The following RGS17 variants were observed in gnomAD, a reference collection of about 807,000 sequenced individuals.
RGS17 encodes regulator of G-protein signaling 17.
RGS17 carries 12 observed loss-of-function variants against 25.5 expected under a neutral mutation model. That is an observed-to-expected ratio of 0.47 (90% CI 0.30 to 0.76). The LOEUF is 0.76. Among genes scored for constraint, RGS17 ranks in the 30% least tolerant of loss-of-function variants. RGS17 has a pLI of 0.07. For missense variants in RGS17, 196 were observed against 242.2 expected (o/e 0.81, Z 1.27); for synonymous variants, 71 against 76.9 (o/e 0.92, Z 0.40).
intron 1 of RGS17, among the ~76,000 whole-genome samples, chr6:153,117,565 G>A (rs975721151): frequency 9.2e-5 from 14 of 152,154 alleles, no homozygotes; most frequent in Non-Finnish European, 1.6e-4. Context: ...ATTCATATTA[G>A]TACCATTAAT....
chr6:153,130,483 TACACACACACAC>T lies in RGS17; in HGVS notation c.-26+629_-26+640del, dbSNP rs58779961. On this transcript the variant is annotated intron_variant, in intron 1 of 4. Transcript: ENST00000206262. The surrounding 1 kb of genome is among the most constrained non-coding windows in gnomAD (Gnocchi z 6.4). ...CCCACCCCCTATACATACATACACA[TACACACACACAC>T]ACACACACACACACCCCTCCGGTAT... 6.8e-6 allele frequency among the ~76,000 whole-genome samples: 1 copy of T among 146,108 alleles called. No homozygotes were observed. The highest frequency in any genetic ancestry group is 2.5e-5 in the African/African-American group (1 of 39,742).
chr6:153,034,140 A>G (rs1776202152), intron 2 of RGS17, among the ~76,000 whole-genome samples: 1 of 152,172 alleles, frequency 6.6e-6, no homozygotes, highest in Non-Finnish European at 1.5e-5. Flanking sequence ...CTACCCATTC[A>G]TCCTTTCCCT....
chr6:153,119,434 T>C (rs1777590739), intron 1 of RGS17, among the ~76,000 whole-genome samples: 1 of 152,194 alleles, frequency 6.6e-6, no homozygotes, highest in Non-Finnish European at 1.5e-5. Flanking sequence ...CTCATGCCTG[T>C]AATCCCAGCA....
chr6:153,126,992 G>A (rs2129127821), intron 1 of RGS17, among the ~76,000 whole-genome samples: 1 of 152,318 alleles, frequency 6.6e-6, no homozygotes, highest in South Asian at 2.1e-4. Flanking sequence ...TTTCATGGAA[G>A]ACAATTTTTC....
intron 1 of RGS17, among the ~76,000 whole-genome samples, chr6:153,048,303 A>C (rs1010137385): frequency 6.6e-5 from 10 of 152,120 alleles, no homozygotes; most frequent in African/African-American, 2.4e-4. Flanking sequence ...CCTCTATTTC[A>C]TCTGGATGTC....
chr6:153,019,277 C>A (rs637384), intron 4 of RGS17, among the ~76,000 whole-genome samples: 103,341 of 152,118 alleles, frequency 0.68, 35,193 homozygotes, highest in South Asian at 0.73. Flanking sequence ...AGATTTCTAC[C>A]TAACTGGACC....
At chr6:153,121,045 T>C (rs796971869) in intron 1 of RGS17, among the ~76,000 whole-genome samples, 11 of 152,074 alleles carry the variant, frequency 7.2e-5, no homozygotes, top group African/African-American at 2.7e-4. Flanking sequence ...TTCTTTAGGC[T>C]CCCTCAGACT....
In RGS17 at chr6:153,130,606, G is replaced by A. The variant is rs1480538620; in HGVS notation, c.-26+518C>T. Among the ~76,000 whole-genome samples, 1 of 152,182 alleles carries A rather than the reference G, an allele frequency of 6.6e-6. No individual in the cohort carries two copies. Among genetic ancestry groups the A allele is most frequent in the African/African-American group, 2.4e-5 (1 of 41,448 alleles). ...AGCAGTGCATTTTCCCAAAGGTAAA[G>A]AGAGATAAGGGAGGAAACACAGCAC... On this transcript the variant is annotated intron_variant, in intron 1 of 4. Transcript: ENST00000206262. This position sits in a 1 kb window ranked among gnomAD's most constrained non-coding sequence, Gnocchi z 6.4.
chr6:153,112,772 C>T (rs1777492334), intron 1 of RGS17, among the ~76,000 whole-genome samples: 1 of 152,196 alleles, frequency 6.6e-6, no homozygotes, highest in Non-Finnish European at 1.5e-5. Flanking sequence ...CAATATTCAA[C>T]ATTCTTAAAG....
chr6:153,006,658 A>T lies in RGS17; in HGVS notation c.*4916T>A, dbSNP rs1351176190. The T allele has an allele frequency of 6.6e-6, 1 of 152,314 alleles. No individual in the cohort carries two copies. The highest frequency in any genetic ancestry group is 1.5e-5 in the Non-Finnish European group (1 of 68,036). The allele number at this position is 152,314 out of a possible 1,614,324, so 9.4% of individuals were successfully genotyped here. ...GGGAAAGTGCATTAAAGTGACATTT[A>T]ATACAAGTATACAATAACAATTATT... On this transcript the variant is annotated 3_prime_UTR_variant, in exon 5 of 5. Coordinates refer to ENST00000206262, the MANE Select transcript of RGS17 (RefSeq NM_012419.5).
chr6:153,090,099 G>A (rs1442696992), intron 1 of RGS17, among the ~76,000 whole-genome samples: 2 of 152,022 alleles, frequency 1.3e-5, no homozygotes, highest in South Asian at 2.1e-4. Flanking sequence ...ACTGCTATCT[G>A]CTGTATGATG....
chr6:153,050,518 G>A (rs1483089885), intron 1 of RGS17, among the ~76,000 whole-genome samples: 1 of 151,956 alleles, frequency 6.6e-6, no homozygotes, highest in Non-Finnish European at 1.5e-5. Context: ...AGAGAAATGT[G>A]GATAAAAAAG....
chr6:153,067,232 T>G (rs1449804221), intron 1 of RGS17, among the ~76,000 whole-genome samples: 2 of 152,110 alleles, frequency 1.3e-5, no homozygotes, highest in African/African-American at 4.8e-5. Context: ...ATGGAAAGCC[T>G]TTCCTCTAAA....
chr6:153,110,411 CTT>C, intron 1 of RGS17, among the ~76,000 whole-genome samples: 1 of 139,708 alleles, frequency 7.2e-6, no homozygotes, highest in East Asian at 2.1e-4. Context: ...TTGATGGACT[CTT>C]TACTGCCAAC....
At chr6:153,034,338 T>C (rs1776205603) in intron 2 of RGS17, among the ~76,000 whole-genome samples, 1 of 152,178 alleles carries the variant, frequency 6.6e-6, no homozygotes, top group Non-Finnish European at 1.5e-5. Flanking sequence ...CTCTGACGTA[T>C]ACCTGTGCCG....
At chr6:153,117,366 G>T (rs549710574) in intron 1 of RGS17, among the ~76,000 whole-genome samples, 1 of 152,104 alleles carries the variant, frequency 6.6e-6, no homozygotes, top group Non-Finnish European at 1.5e-5. Context: ...CACCCACCAG[G>T]TCTCTCCCTA....
intron 2 of RGS17, among the ~76,000 whole-genome samples, chr6:153,041,699 A>G (rs1776322568): frequency 6.6e-6 from 1 of 152,250 alleles, no homozygotes; most frequent in Non-Finnish European, 1.5e-5. Flanking sequence ...AATGAGCACT[A>G]GAAGTCTATT....
chr6:153,073,022 C>A (rs749262604), intron 1 of RGS17, among the ~76,000 whole-genome samples: 1 of 152,134 alleles, frequency 6.6e-6, no homozygotes, highest in African/African-American at 2.4e-5. Flanking sequence ...GTTCCTACTA[C>A]ACACACATCA....
At chr6:153,089,117 G>A (rs1167014286) in intron 1 of RGS17, among the ~76,000 whole-genome samples, 1 of 151,284 alleles carries the variant, frequency 6.6e-6, no homozygotes, top group Non-Finnish European at 1.5e-5. Context: ...TGTCTTTTAG[G>A]GACGCTTCAA....
Sources: allele counts gnomAD v4.1 joint callset (sites outside exome capture counted in the v4.1 genomes callset), GRCh38; gene constraint gnomAD v4.1.1; non-coding constraint Gnocchi (gnomAD v3.1); transcripts MANE v1.5; gene names NCBI Gene and HGNC (gene_info 2026-07-23, HGNC 2026-07-21).